Variants in SLIT2 observed in about 807,000 individuals in gnomAD.
SLIT2 encodes the protein slit guidance ligand 2, also known as slit homolog 2 protein.
In SLIT2, 41 loss-of-function variants were observed where a neutral mutation model predicts 185.7. The ratio of observed to expected loss-of-function variants is 0.22; its 90% confidence interval spans 0.17 to 0.29. The LOEUF (loss-of-function observed/expected upper bound fraction) is 0.29, where lower values mean the gene tolerates loss of function less well. SLIT2 is among the 10% of genes least tolerant of loss of function. The pLI is 1.00. For missense variants in SLIT2, 1,571 were observed against 1,909.0 expected (o/e 0.82, Z 3.30); for synonymous variants, 693 against 680.2 (o/e 1.02, Z -0.29).
chr4:20,404,343 A>G (rs1215405842), intron 4 of SLIT2, among the ~76,000 whole-genome samples: 2 of 151,984 alleles, frequency 1.3e-5, no homozygotes, highest in Non-Finnish European at 2.9e-5. Context: ...GTAGGGGAAG[A>G]GTAGCATAGT....
intron 29 of SLIT2, among the ~76,000 whole-genome samples, 164 bp from the exon 30 acceptor site, chr4:20,589,480 C>T (rs1056678572): frequency 6.6e-6 from 1 of 152,184 alleles, no homozygotes; most frequent in African/African-American, 2.4e-5. Context: ...GGATAATGGA[C>T]CACCTGGTTC....
chr4:20,299,236 G>C (rs761136510), intron 4 of SLIT2, among the ~76,000 whole-genome samples: 4 of 152,062 alleles, frequency 2.6e-5, no homozygotes, highest in Non-Finnish European at 5.9e-5. Context: ...TTTTTAAAGA[G>C]ATATAAAGCA....
chr4:20,262,159 T>TG (rs1312689689), intron 3 of SLIT2, among the ~76,000 whole-genome samples: 1 of 151,844 alleles, frequency 6.6e-6, no homozygotes, highest in African/African-American at 2.4e-5. Context: ...CCCTTTACAG[T>TG]GGAGCCTACA....
intron 4 of SLIT2, among the ~76,000 whole-genome samples, chr4:20,428,796 G>A (rs143271667): frequency 8.0e-4 from 122 of 152,242 alleles, no homozygotes; most frequent in African/African-American, 2.7e-3. Flanking sequence ...CTAATGGAAG[G>A]GCATTTGTAC....
Position 20,291,339 on chromosome 4 carries a change from T to G in SLIT2, c.395+22458T>G, listed in dbSNP as rs371984665. 1.8e-3 allele frequency among the ~76,000 whole-genome samples: 272 copies of G among 150,808 alleles called. 1 individual carries two copies. Among genetic ancestry groups the G allele is most frequent in the African/African-American group, 5.3e-3 (219 of 41,148 alleles). On this transcript the variant is annotated intron_variant, in intron 4 of 36. Coordinates refer to ENST00000504154, the MANE Select transcript of SLIT2 (RefSeq NM_004787.4). ...ACTTTTTAGTGATCTTATCACTGGA[T>G]TGCAGATTGCACACTACATACGAGT... is the stretch of plus-strand genomic sequence containing the variant.
At chr4:20,330,095 T>A (rs2109195996) in intron 4 of SLIT2, among the ~76,000 whole-genome samples, 1 of 152,256 alleles carries the variant, frequency 6.6e-6, no homozygotes, top group Non-Finnish European at 1.5e-5. Flanking sequence ...TATTACATAC[T>A]TTCTCATTTT....
At chr4:20,565,186 C>G (rs1027684028) in intron 26 of SLIT2, among the ~76,000 whole-genome samples, 3 of 151,978 alleles carry the variant, frequency 2.0e-5, no homozygotes, top group Non-Finnish European at 4.4e-5. Flanking sequence ...ATTTAAACCA[C>G]AGCCTTACAA....
intron 4 of SLIT2, among the ~76,000 whole-genome samples, chr4:20,329,037 G>T (rs761875080): frequency 3.9e-4 from 59 of 151,880 alleles, no homozygotes; most frequent in Non-Finnish European, 7.2e-4. Context: ...CAGAATATGG[G>T]GACATTTGTG....
intron 29 of SLIT2, among the ~76,000 whole-genome samples, chr4:20,582,720 A>G (rs1227696949): frequency 6.6e-6 from 1 of 152,138 alleles, no homozygotes; most frequent in East Asian, 1.9e-4. Context: ...CTCTTTCCTT[A>G]TTAAGTTAAG....
intron 4 of SLIT2, among the ~76,000 whole-genome samples, chr4:20,414,141 CTTTG>C (rs1422206399): frequency 6.6e-6 from 1 of 151,774 alleles, no homozygotes; most frequent in Non-Finnish European, 1.5e-5. Flanking sequence ...GTTTATTTTG[CTTTG>C]TTTGATTTTC....
intron 4 of SLIT2, among the ~76,000 whole-genome samples, chr4:20,269,924 AG>A (rs897856272): frequency 1.3e-5 from 2 of 151,856 alleles, no homozygotes; most frequent in African/African-American, 2.4e-5. Flanking sequence ...AACTTACTAT[AG>A]GGAGATATTC....
chr4:20,598,454 C>A, intron 33 of SLIT2, 59 bp downstream of exon 33: 1 of 1,582,208 alleles, frequency 6.3e-7, no homozygotes, highest in Non-Finnish European at 8.7e-7. Context: ...AGAACTGCTT[C>A]TCCTCTATCA....
At chr4:20,370,104 A>G (rs114071323) in intron 4 of SLIT2, among the ~76,000 whole-genome samples, 462 of 152,196 alleles carry the variant, frequency 3.0e-3, no homozygotes, top group Non-Finnish European at 5.6e-3. Context: ...CATTTTAGCA[A>G]GCTCTTCAGG....
At chr4:20,364,181 A>C (rs1722942227) in intron 4 of SLIT2, 1 of 682,570 alleles carries the variant, frequency 1.5e-6, no homozygotes, top group Non-Finnish European at 1.8e-6. Context: ...ACACTTAGAG[A>C]AATACTGGGA....
intron 36 of SLIT2, 82 bp downstream of exon 36, chr4:20,617,732 T>TAAA: frequency 6.4e-6 from 3 of 467,728 alleles, no homozygotes; most frequent in South Asian, 4.6e-5. Context: ...GGAGAAAAAG[T>TAAA]GAAAAAAAAA....
rs141486093 is a variant in SLIT2 at position 20,345,825 on chromosome 4, C to T, written c.395+76944C>T. 4.8e-4 allele frequency among the ~76,000 whole-genome samples: 73 copies of T among 152,132 alleles called. 1 individual carries two copies. The East Asian group carries it at 0.013, about 27-fold the overall frequency. ...CTGGGATTACAGGCGTGAGCACCCA[C>T]GTCTGGCCTGAAATACTTATTTCTA... On this transcript the variant is annotated intron_variant, in intron 4 of 36. Coordinates refer to ENST00000504154, the MANE Select transcript of SLIT2 (RefSeq NM_004787.4).
At chr4:20,522,670 T>G (rs1271640291) in intron 12 of SLIT2, among the ~76,000 whole-genome samples, 1 of 151,700 alleles carries the variant, frequency 6.6e-6, no homozygotes, top group African/African-American at 2.4e-5. Flanking sequence ...CCACAGAATA[T>G]TGATATAATA....
At chr4:20,521,142 A>G (rs1366480705) in intron 12 of SLIT2, among the ~76,000 whole-genome samples, 1 of 152,152 alleles carries the variant, frequency 6.6e-6, no homozygotes, top group Non-Finnish European at 1.5e-5. Flanking sequence ...GTGAAGTGTC[A>G]CCTTCTTTTT....
At chr4:20,270,199 T>G (rs576159678) in intron 4 of SLIT2, among the ~76,000 whole-genome samples, 53 of 152,098 alleles carry the variant, frequency 3.5e-4, no homozygotes, top group African/African-American at 1.3e-3. Context: ...TAATTATATC[T>G]AAATATTTGT....
Sources: allele counts gnomAD v4.1 joint callset (sites outside exome capture counted in the v4.1 genomes callset), GRCh38; gene constraint gnomAD v4.1.1; transcripts MANE v1.5; gene names NCBI Gene and HGNC (gene_info 2026-07-23, HGNC 2026-07-21).